SYNE2: variants seen among roughly 807,000 people sequenced by gnomAD.
The protein encoded by SYNE2 is spectrin repeat containing nuclear envelope protein 2, also known as nesprin-2.
SYNE2 carries 431 observed loss-of-function variants against 856.3 expected under a neutral mutation model. That is an observed-to-expected ratio of 0.50 (90% CI 0.47 to 0.55). SYNE2 has a LOEUF of 0.55. SYNE2 is among the 20% of genes least tolerant of loss of function. SYNE2 has a pLI of 0.00. For synonymous variants in SYNE2, 2,923 were observed against 2,872.3 expected (o/e 1.02, Z -0.56); for missense variants, 8,129 against 8,023.2 (o/e 1.01, Z -0.50).
rs749478491 is a variant in SYNE2 at position 63,942,040 on chromosome 14, T to C, written c.316-11T>C. The C allele has an allele frequency of 3.1e-6, 5 of 1,605,010 alleles. No homozygotes were observed. Among genetic ancestry groups the C allele is most frequent in the East Asian group, 2.2e-5 (1 of 44,798 alleles). ...ATTTCCTCCTTTTAACCTGCACTTT[T>C]TGTTTTCCAGATTAAGCTAATAAAT... On this transcript the variant is annotated splice_polypyrimidine_tract_variant and intron_variant, in intron 5 of 115. Coordinates refer to ENST00000555002, the MANE Select transcript of SYNE2 (RefSeq NM_182914.3).
chr14:64,205,523 G>C (rs991310728), intron 100 of SYNE2, among the ~76,000 whole-genome samples: 7 of 152,116 alleles, frequency 4.6e-5, no homozygotes, highest in Admixed American at 4.6e-4. Context: ...TAAAAACATG[G>C]CATCACCTAG....
chr14:63,847,585 A>ATTTTTTTTTTTTTTTTTTTTTTTGTT, intron 1 of SYNE2, among the ~76,000 whole-genome samples: 1 of 137,596 alleles, frequency 7.3e-6, no homozygotes. Flanking sequence ...TATGTTCTGT[A>ATTTTTTTTTTTTTTTTTTTTTTTGTT]TTTTTTTTTT....
intron 1 of SYNE2, among the ~76,000 whole-genome samples, chr14:63,862,203 T>A (rs1353708387): frequency 6.6e-6 from 1 of 152,228 alleles, no homozygotes; most frequent in Non-Finnish European, 1.5e-5. Flanking sequence ...TAGAGCTAAT[T>A]TACACAAAAG....
At chr14:64,078,708 C>T in intron 55 of SYNE2, 102 bp downstream of exon 55, 2 of 1,436,678 alleles carry the variant, frequency 1.4e-6, no homozygotes, top group Non-Finnish European at 1.9e-6. Context: ...TAATCTGAAG[C>T]ACAGAAATTG....
At chr14:63,933,844 G>A (rs2095796372) in intron 2 of SYNE2, among the ~76,000 whole-genome samples, 1 of 152,126 alleles carries the variant, frequency 6.6e-6, no homozygotes, top group African/African-American at 2.4e-5. Flanking sequence ...TAAGCACGTG[G>A]CTCTCAATTA....
chr14:64,087,230 T>A (rs1312678711), intron 57 of SYNE2, among the ~76,000 whole-genome samples: 1 of 152,118 alleles, frequency 6.6e-6, no homozygotes, highest in Non-Finnish European at 1.5e-5. Flanking sequence ...GAAATTCTAG[T>A]TGTGTAAGTG....
intron 84 of SYNE2, 148 bp from the exon 85 acceptor site, chr14:64,152,416 T>C: frequency 1.3e-6 from 1 of 760,860 alleles, no homozygotes; most frequent in Non-Finnish European, 2.1e-6. Context: ...ACTAAGAGTA[T>C]TATGATTTAA....
At chr14:63,959,454 C>T (rs995409688) in intron 8 of SYNE2, among the ~76,000 whole-genome samples, 9 of 151,804 alleles carry the variant, frequency 5.9e-5, no homozygotes, top group African/African-American at 1.5e-4. Context: ...TGTGCAACCA[C>T]GCATGGCTAA....
chr14:64,077,835 A>G (rs1490275798), intron 54 of SYNE2, among the ~76,000 whole-genome samples: 1 of 152,094 alleles, frequency 6.6e-6, no homozygotes, highest in Non-Finnish European at 1.5e-5. Context: ...TTTTTAAGAG[A>G]ATCGTTTAGA....
At position 63,983,886 on chromosome 14, in the gene SYNE2, G is replaced by C. The variant is rs2096605020; in HGVS notation, c.2151G>C (p.Lys717Asn). 3 of 1,505,848 alleles carry C rather than the reference G, an allele frequency of 2.0e-6. No individual in the cohort carries two copies. The highest frequency in any genetic ancestry group is 1.7e-4 in the Middle Eastern group (1 of 5,756). 93.3% of individuals were successfully genotyped at this position (1,505,848 alleles called of 1,614,324 possible). ...ELPENYNQNI[K>N]AGEKHEKENE... ...CTGAAAATTATAATCAAAATATAAA[G>C]GTAAAATAATCATACTTTGTATATT... Residue 717 changes from lysine to asparagine, a missense_variant and splice_region_variant, in exon 18 of 116, where the codon AAG becomes AAC. Physicochemically the swap from Lys to Asn is moderately conservative, Grantham distance 94. Coordinates refer to ENST00000555002, the MANE Select transcript of SYNE2 (RefSeq NM_182914.3).
intron 64 of SYNE2, among the ~76,000 whole-genome samples, chr14:64,106,643 C>T (rs1286710039): frequency 1.3e-5 from 2 of 151,864 alleles, no homozygotes; most frequent in Non-Finnish European, 2.9e-5. Flanking sequence ...AGCGAGACTC[C>T]GTCTCAAAAA....
At chr14:64,163,355 G>C in intron 88 of SYNE2, 47 bp from the exon 89 acceptor site, 1 of 1,608,104 alleles carries the variant, frequency 6.2e-7, no homozygotes. Flanking sequence ...AGGGAATTGT[G>C]GTTTGAAAGG....
Position 64,087,827 on chromosome 14 carries a change from A to C in SYNE2, c.11641A>C (p.Ser3881Arg). ...VTALQQKIME[S>R]LPQIQRMADD... ...AGCTTTACAACAAAAAATAATGGAA[A>C]GCCTTCCACAGATTCAGCGAATGGC... The change falls in exon 58 of 116, where the codon AGC becomes CGC. Residue 3881 changes from serine (S) to arginine (R), a missense_variant. Ser to Arg is a moderately radical substitution (Grantham distance 110). Transcript: ENST00000555002. 5 of 1,614,132 alleles carry C rather than the reference A, an allele frequency of 3.1e-6. No individual in the cohort carries two copies. The highest frequency in any genetic ancestry group is 4.2e-6 in the Non-Finnish European group (5 of 1,179,976).
chr14:63,869,491 G>A (rs1193327310), intron 1 of SYNE2, among the ~76,000 whole-genome samples: 7 of 151,572 alleles, frequency 4.6e-5, no homozygotes, highest in Admixed American at 1.3e-4. Flanking sequence ...GCGTGGTGGC[G>A]GGCACCTGTA....
intron 2 of SYNE2, among the ~76,000 whole-genome samples, chr14:63,923,998 G>A (rs536284492): frequency 2.0e-5 from 3 of 151,824 alleles, no homozygotes; most frequent in East Asian, 1.9e-4. Context: ...GTAGAGACAC[G>A]GTTTCACCAT....
intron 65 of SYNE2, among the ~76,000 whole-genome samples, chr14:64,107,838 A>G (rs1332244102): frequency 6.6e-6 from 1 of 152,196 alleles, no homozygotes; most frequent in Non-Finnish European, 1.5e-5. Flanking sequence ...CTCATTTACC[A>G]TTTGTCATCA....
intron 8 of SYNE2, among the ~76,000 whole-genome samples, chr14:63,958,216 T>TA (rs2096265104): frequency 6.6e-6 from 1 of 152,222 alleles, no homozygotes; most frequent in Non-Finnish European, 1.5e-5. Flanking sequence ...TATGTTATTT[T>TA]AAATTAAGGT....
At position 64,216,404 on chromosome 14, in the gene SYNE2, CT is replaced by C. The variant is rs2140290472; in HGVS notation, c.19542+18del. On this transcript the variant is annotated intron_variant, in intron 108 of 115. Coordinates refer to ENST00000555002, the MANE Select transcript of SYNE2 (RefSeq NM_182914.3). ...CCACCCTATGTAAGTCTTAACTTCA[CT>C]GGGAGTACAGCCTATGTCTGTGAGT... 1 of 1,613,402 alleles carries C rather than the reference CT, an allele frequency of 6.2e-7. No individual in the cohort carries two copies. Among genetic ancestry groups the C allele is most frequent in the East Asian group, 2.2e-5 (1 of 44,890 alleles).
intron 2 of SYNE2, among the ~76,000 whole-genome samples, chr14:63,934,504 A>T (rs533200165): frequency 6.6e-6 from 1 of 151,662 alleles, no homozygotes; most frequent in African/African-American, 2.4e-5. Context: ...GTTGCTTAGT[A>T]TAAGACCCCT....
Sources: allele counts gnomAD v4.1 joint callset (sites outside exome capture counted in the v4.1 genomes callset), GRCh38; gene constraint gnomAD v4.1.1; transcripts MANE v1.5; gene names NCBI Gene and HGNC (gene_info 2026-07-23, HGNC 2026-07-21).